CNTN4: variants seen among roughly 807,000 people sequenced by gnomAD.
CNTN4 encodes the protein contactin-4.
A neutral mutation model predicts 122.5 loss-of-function variants in CNTN4; 77 were observed. That is an observed-to-expected ratio of 0.63 (90% CI 0.52 to 0.76). The LOEUF (loss-of-function observed/expected upper bound fraction) is 0.76, where lower values mean the gene tolerates loss of function less well. CNTN4 is among the 30% of genes least tolerant of loss of function. The probability of loss-of-function intolerance (pLI) is 0.00; values close to 1 mark genes in which losing one functional copy is unlikely to be tolerated. For synonymous variants in CNTN4, 512 were observed against 447.0 expected, an observed-to-expected ratio of 1.15 and a Z score of -1.83; for missense variants, 1,256 against 1,259.1, an observed-to-expected ratio of 1.00 and a Z score of 0.04.
At chr3:2,688,968 C>T (rs1559389578) in intron 4 of CNTN4, among the ~76,000 whole-genome samples, 1 of 152,124 alleles carries the variant, frequency 6.6e-6, no homozygotes, top group Non-Finnish European at 1.5e-5. Context: ...AATGTAGCAC[C>T]TGAGAATTAC....
chr3:3,051,136 G>A (rs1042521498), intron 23 of CNTN4, among the ~76,000 whole-genome samples: 2 of 152,156 alleles, frequency 1.3e-5, no homozygotes, highest in African/African-American at 2.4e-5. Flanking sequence ...TCTTCTTCCA[G>A]TGTGGTCCAG....
intron 4 of CNTN4, among the ~76,000 whole-genome samples, chr3:2,588,148 G>C (rs2080291874): frequency 6.6e-6 from 1 of 151,978 alleles, no homozygotes; most frequent in Non-Finnish European, 1.5e-5. Flanking sequence ...TAAAGATAAA[G>C]ACAACAGAAA....
rs1234334638 is a variant in CNTN4, at chr3:2,773,762, C to CTTTTTTTTTTTT, written c.358+28070_358+28081dup. On this transcript the variant is annotated intron_variant, in intron 6 of 24. Coordinates refer to ENST00000418658, the MANE Select transcript of CNTN4 (RefSeq NM_175607.3). ...GAAGCCTTCATCTCAATGTAGTAGA[C>CTTTTTTTTTTTT]TTTTTTTTTTTTTTTTGAGACGGAG... Among the ~76,000 whole-genome samples, 83 of 107,518 alleles carry CTTTTTTTTTTTT rather than the reference C, an allele frequency of 7.7e-4. 5 individuals carry two copies. Among genetic ancestry groups the CTTTTTTTTTTTT allele is most frequent in the Non-Finnish European group, 1.1e-3 (63 of 55,882 alleles). 70.5% of individuals were successfully genotyped at this position (107,518 alleles called of 152,430 possible).
chr3:2,895,870 T>A (rs935489104), intron 10 of CNTN4, among the ~76,000 whole-genome samples: 1 of 152,044 alleles, frequency 6.6e-6, no homozygotes, highest in Non-Finnish European at 1.5e-5. Flanking sequence ...CCGTCTCTAC[T>A]AAAAATACAA....
At chr3:2,296,199 T>G (rs9815571) in intron 2 of CNTN4, among the ~76,000 whole-genome samples, 1 of 151,926 alleles carries the variant, frequency 6.6e-6, no homozygotes, top group Admixed American at 6.6e-5. Context: ...AAGTAGTTTT[T>G]TCCAGTTCTG....
intron 4 of CNTN4, among the ~76,000 whole-genome samples, chr3:2,711,888 C>T (rs1280269414): frequency 3.9e-5 from 6 of 152,168 alleles, no homozygotes; most frequent in Non-Finnish European, 7.3e-5. Flanking sequence ...GCCTATCTAC[C>T]AGTTGTATAT....
At chr3:2,426,212 A>G (rs1394353798) in intron 3 of CNTN4, among the ~76,000 whole-genome samples, 3 of 152,062 alleles carry the variant, frequency 2.0e-5, no homozygotes, top group African/African-American at 4.8e-5. Flanking sequence ...GTTTGTCATA[A>G]ATAGCTCTTA....
intron 6 of CNTN4, among the ~76,000 whole-genome samples, chr3:2,816,704 C>T (rs1327289016): frequency 2.0e-5 from 3 of 151,216 alleles, no homozygotes; most frequent in Non-Finnish European, 4.4e-5. Context: ...GCCTGTAGTC[C>T]CAGCTACTCA....
intron 4 of CNTN4, among the ~76,000 whole-genome samples, chr3:2,637,270 TA>T (rs778863356): frequency 3.8e-4 from 58 of 152,194 alleles, no homozygotes; most frequent in Non-Finnish European, 6.8e-4. Flanking sequence ...ACAAGGTGCT[TA>T]AACCATTTTT....
At chr3:2,191,153 C>T (rs111758355) in intron 2 of CNTN4, among the ~76,000 whole-genome samples, 4,882 of 151,952 alleles carry the variant, frequency 0.032, 269 homozygotes, top group African/African-American at 0.11. Flanking sequence ...AGGCTGGCCT[C>T]GAACTCCTGG....
chr3:2,181,783 C>T (rs1459263965), intron 2 of CNTN4, among the ~76,000 whole-genome samples: 1 of 152,036 alleles, frequency 6.6e-6, no homozygotes, highest in Non-Finnish European at 1.5e-5. Flanking sequence ...CTTGGGTGAA[C>T]AAAGTAGGGG....
chr3:2,635,908 C>T (rs1396137294), intron 4 of CNTN4, among the ~76,000 whole-genome samples: 1 of 152,090 alleles, frequency 6.6e-6, no homozygotes. Flanking sequence ...GACACCAGAC[C>T]CCTCACGCAT....
intron 4 of CNTN4, among the ~76,000 whole-genome samples, chr3:2,631,451 T>G (rs1360565203): frequency 6.6e-6 from 1 of 151,962 alleles, no homozygotes; most frequent in Non-Finnish European, 1.5e-5. Flanking sequence ...AAATACCCCT[T>G]AAGAGTTACC....
chr3:2,532,767 G>A (rs528473219), intron 3 of CNTN4, among the ~76,000 whole-genome samples: 18 of 152,148 alleles, frequency 1.2e-4, no homozygotes, highest in South Asian at 4.2e-4. Context: ...ATACTCTTTC[G>A]TGTCATACAG....
intron 7 of CNTN4, among the ~76,000 whole-genome samples, chr3:2,837,665 G>A (rs1021243156): frequency 2.6e-5 from 4 of 152,242 alleles, no homozygotes; most frequent in Non-Finnish European, 4.4e-5. Context: ...TTCATTTTCA[G>A]GTTACAAAAC....
At chr3:2,837,336 A>G (rs528025951) in intron 7 of CNTN4, among the ~76,000 whole-genome samples, 2 of 152,318 alleles carry the variant, frequency 1.3e-5, no homozygotes, top group South Asian at 2.1e-4. Context: ...TTTGAAAATC[A>G]TTCCAGATAC....
intron 8 of CNTN4, among the ~76,000 whole-genome samples, chr3:2,882,365 C>T (rs2093921983): frequency 1.4e-5 from 2 of 140,218 alleles, no homozygotes; most frequent in African/African-American, 2.8e-5. Flanking sequence ...GACTTCGTCT[C>T]GAAAAAAAAA....
intron 3 of CNTN4, among the ~76,000 whole-genome samples, chr3:2,546,252 A>G (rs2078240678): frequency 6.6e-6 from 1 of 151,924 alleles, no homozygotes; most frequent in Admixed American, 6.6e-5. Context: ...TGTAGAATCA[A>G]CCTAAATGCC....
At chr3:2,408,741 A>C (rs1455409217) in intron 3 of CNTN4, among the ~76,000 whole-genome samples, 2 of 152,158 alleles carry the variant, frequency 1.3e-5, no homozygotes, top group African/African-American at 4.8e-5. Context: ...TACTAGGTGA[A>C]AATAGCTTCA....
Sources: allele counts gnomAD v4.1 joint callset (sites outside exome capture counted in the v4.1 genomes callset), GRCh38; gene constraint gnomAD v4.1.1; transcripts MANE v1.5; gene names NCBI Gene and HGNC (gene_info 2026-07-23, HGNC 2026-07-21).